Variants in TLE4 observed in about 807,000 individuals in gnomAD.
TLE4 encodes the protein transducin-like enhancer protein 4.
Under a neutral mutation model 92.8 loss-of-function variants are expected in TLE4, and 8 were observed. That is an observed-to-expected ratio of 0.09 (90% CI 0.05 to 0.16). The LOEUF is 0.16. Ranked by LOEUF, TLE4 falls within the 10% of genes least tolerant of loss-of-function variation. The pLI, the probability that TLE4 is intolerant of heterozygous loss-of-function variation, is 1.00. For missense variants in TLE4, 675 were observed against 997.6 expected, an observed-to-expected ratio of 0.68 and a Z score of 4.36; for synonymous variants, 371 against 374.1, an observed-to-expected ratio of 0.99 and a Z score of 0.10.
intron 8 of TLE4, among the ~76,000 whole-genome samples, chr9:79,684,883 G>A (rs1483932634): frequency 6.6e-6 from 1 of 152,194 alleles, no homozygotes; most frequent in East Asian, 1.9e-4. Flanking sequence ...GTGGATACAG[G>A]GAGGTGTGAA....
At chr9:79,669,051 G>A (rs192962801) in intron 8 of TLE4, among the ~76,000 whole-genome samples, 7 of 152,242 alleles carry the variant, frequency 4.6e-5, no homozygotes, top group Admixed American at 4.6e-4. Context: ...GGCTTCATTT[G>A]TGCATGTATT....
intron 8 of TLE4, chr9:79,663,344 A>G (rs2060856231): frequency 6.6e-6 from 1 of 152,196 alleles, no homozygotes; most frequent in South Asian, 2.1e-4. Flanking sequence ...AGCTATTTAA[A>G]GTTAAAATGA....
At chr9:79,618,434 G>T (rs2050161626) in intron 5 of TLE4, among the ~76,000 whole-genome samples, 1 of 152,204 alleles carries the variant, frequency 6.6e-6, no homozygotes, top group South Asian at 2.1e-4. Flanking sequence ...GGATGGAAAA[G>T]AACCTACATG....
chr9:79,693,772 A>G (rs1588331258), intron 8 of TLE4: 2 of 393,244 alleles, frequency 5.1e-6, no homozygotes, highest in East Asian at 1.6e-4. Context: ...TTAGTATTAA[A>G]TAGCAAAAGC....
chr9:79,690,002 C>G (rs2066722985), intron 8 of TLE4, among the ~76,000 whole-genome samples: 1 of 152,184 alleles, frequency 6.6e-6, no homozygotes. Context: ...TATCCCCTGA[C>G]AGACCTTAGA....
At chr9:79,690,645 G>A (rs7870298) in intron 8 of TLE4, among the ~76,000 whole-genome samples, 134,518 of 151,352 alleles carry the variant, frequency 0.89, 59,801 homozygotes, top group African/African-American at 0.91. Flanking sequence ...ATTTTTAGAC[G>A]GGATCTCACT....
intron 6 of TLE4, among the ~76,000 whole-genome samples, chr9:79,636,012 A>G (rs1463599038): frequency 6.6e-6 from 1 of 152,056 alleles, no homozygotes; most frequent in Non-Finnish European, 1.5e-5. Context: ...CTCCTGGTCC[A>G]AGTAATGCCT....
chr9:79,614,826 C>T (rs1038397972), intron 5 of TLE4, among the ~76,000 whole-genome samples: 7 of 151,870 alleles, frequency 4.6e-5, no homozygotes, highest in Non-Finnish European at 7.4e-5. Flanking sequence ...CATCAGTTAT[C>T]GTTAGTGTAT....
At chr9:79,619,582 G>A (rs1240161665) in intron 5 of TLE4, among the ~76,000 whole-genome samples, 1 of 152,170 alleles carries the variant, frequency 6.6e-6, no homozygotes, top group African/African-American at 2.4e-5. Context: ...AGGAGAGCAT[G>A]GTTAAAATTG....
intron 5 of TLE4, among the ~76,000 whole-genome samples, chr9:79,619,900 T>TA (rs1220856997): frequency 2.6e-5 from 4 of 152,234 alleles, no homozygotes; most frequent in Non-Finnish European, 4.4e-5. Context: ...TCAGAGAGCG[T>TA]AATTCTGTCC....
intron 4 of TLE4, among the ~76,000 whole-genome samples, chr9:79,606,184 G>GTT (rs1288414778): frequency 8.1e-4 from 15 of 18,408 alleles, no homozygotes; most frequent in Non-Finnish European, 1.1e-3. Flanking sequence ...AGCAGTAGTA[G>GTT]TTGTTTTTTT....
At chr9:79,588,238 C>T (rs568425142) in intron 4 of TLE4, among the ~76,000 whole-genome samples, 2 of 151,922 alleles carry the variant, frequency 1.3e-5, no homozygotes, top group Non-Finnish European at 2.9e-5. Context: ...ATCTCCGCCT[C>T]CTGGGTTCAA....
At chr9:79,697,649 G>A (rs1410438502) in intron 8 of TLE4, among the ~76,000 whole-genome samples, 1 of 151,822 alleles carries the variant, frequency 6.6e-6, no homozygotes, top group Non-Finnish European at 1.5e-5. Flanking sequence ...AAGCAACAGT[G>A]AAGAAACCCC....
intron 5 of TLE4, 147 bp downstream of exon 5, chr9:79,612,865 C>T (rs1161888024): frequency 1.5e-6 from 1 of 663,394 alleles, no homozygotes; most frequent in East Asian, 2.7e-5. Flanking sequence ...GTTCTCACTC[C>T]AACTTGTATA....
At chr9:79,673,390 C>G (rs543048082) in intron 8 of TLE4, among the ~76,000 whole-genome samples, 2 of 152,146 alleles carry the variant, frequency 1.3e-5, no homozygotes, top group African/African-American at 2.4e-5. Flanking sequence ...TTGAATGTAA[C>G]CCAATTCCAT....
intron 8 of TLE4, among the ~76,000 whole-genome samples, chr9:79,697,769 A>G (rs1317191644): frequency 2.0e-5 from 3 of 152,214 alleles, no homozygotes; most frequent in African/African-American, 7.2e-5. Context: ...GAGGCCATGA[A>G]AACAGAACAT....
chr9:79,609,795 A>C (rs1480470908), intron 4 of TLE4, among the ~76,000 whole-genome samples: 1 of 152,074 alleles, frequency 6.6e-6, no homozygotes, highest in Non-Finnish European at 1.5e-5. Flanking sequence ...TAAATGGGCT[A>C]TCTGTGAATG....
At chr9:79,626,915 C>T (rs911837100) in intron 5 of TLE4, among the ~76,000 whole-genome samples, 7 of 152,128 alleles carry the variant, frequency 4.6e-5, no homozygotes, top group African/African-American at 1.7e-4. Context: ...GTATGTCCTT[C>T]CGGTGTCTTC....
At chr9:79,651,029 CGA>C (rs1491393196) in intron 6 of TLE4, among the ~76,000 whole-genome samples, 6 of 74,926 alleles carry the variant, frequency 8.0e-5, no homozygotes, top group South Asian at 6.3e-4. Flanking sequence ...GTGGAATGAT[CGA>C]TCTCTCTCTC....
Sources: gnomAD v4.1 joint callset for allele counts (sites outside exome capture counted in the v4.1 genomes callset) on GRCh38, gnomAD v4.1.1 for gene constraint, MANE v1.5 for transcripts, NCBI Gene and HGNC (gene_info 2026-07-23, HGNC 2026-07-21) for gene names.